Variants in NKAIN3 observed in about 807,000 individuals in gnomAD.
The protein encoded by NKAIN3 is sodium/potassium transporting ATPase interacting 3, also known as sodium/potassium-transporting ATPase subunit beta-1-interacting protein 3.
Under a neutral mutation model 30.2 loss-of-function variants are expected in NKAIN3, and 25 were observed. The observed-to-expected ratio is 0.83, with a 90% CI of 0.60 to 1.16. The LOEUF (loss-of-function observed/expected upper bound fraction) is 1.16. NKAIN3 is among the 50% of genes most tolerant of loss of function. The pLI, the probability that NKAIN3 is intolerant of heterozygous loss-of-function variation, is 0.00. For synonymous variants in NKAIN3, 91 were observed against 89.6 expected, an observed-to-expected ratio of 1.02 and a Z score of -0.09; for missense variants, 225 against 254.1, an observed-to-expected ratio of 0.89 and a Z score of 0.78.
chr8:62,648,295 G>A (rs951573434), intron 3 of NKAIN3, among the ~76,000 whole-genome samples: 1 of 152,108 alleles, frequency 6.6e-6, no homozygotes, highest in Non-Finnish European at 1.5e-5. Flanking sequence ...ACAATTGGCG[G>A]TTGAATTTTA....
At chr8:62,432,308 T>G (rs980012193) in intron 1 of NKAIN3, among the ~76,000 whole-genome samples, 4 of 152,080 alleles carry the variant, frequency 2.6e-5, no homozygotes, top group African/African-American at 9.7e-5. Context: ...GGAGAAGATC[T>G]TCTCCTAAGA....
chr8:62,726,572 A>G (rs1388746319), intron 3 of NKAIN3, among the ~76,000 whole-genome samples: 1 of 152,034 alleles, frequency 6.6e-6, no homozygotes, highest in African/African-American at 2.4e-5. Flanking sequence ...TTTATCCTTC[A>G]TTCTGTTAAT....
intron 4 of NKAIN3, among the ~76,000 whole-genome samples, chr8:62,915,548 T>C (rs543526225): frequency 2.0e-5 from 3 of 152,296 alleles, no homozygotes; most frequent in African/African-American, 7.2e-5. Flanking sequence ...TTCAGAACTG[T>C]AAGATTTGTG....
chr8:62,737,844 T>G (rs1378624490), intron 3 of NKAIN3, among the ~76,000 whole-genome samples: 1 of 152,188 alleles, frequency 6.6e-6, no homozygotes, highest in East Asian at 1.9e-4. Context: ...CCTTACAAAT[T>G]GATGTGAATG....
chr8:62,278,427 G>C (rs1464598822), intron 1 of NKAIN3, among the ~76,000 whole-genome samples: 1 of 151,596 alleles, frequency 6.6e-6, no homozygotes, highest in South Asian at 2.1e-4. Context: ...TGTGCACAAC[G>C]TGCAGGTTTG....
intron 1 of NKAIN3, among the ~76,000 whole-genome samples, chr8:62,254,744 G>A (rs1812213922): frequency 6.6e-6 from 1 of 152,142 alleles, no homozygotes; most frequent in Non-Finnish European, 1.5e-5. Context: ...GTCAACATAA[G>A]CAGTGATTTC....
intron 4 of NKAIN3, among the ~76,000 whole-genome samples, chr8:62,756,006 T>C (rs1054174758): frequency 6.6e-6 from 1 of 152,354 alleles, no homozygotes; most frequent in East Asian, 1.9e-4. Flanking sequence ...GCTGTGATTT[T>C]AAATCACTTC....
At chr8:62,389,826 G>A (rs920991374) in intron 1 of NKAIN3, among the ~76,000 whole-genome samples, 3 of 152,084 alleles carry the variant, frequency 2.0e-5, no homozygotes, top group African/African-American at 7.2e-5. Flanking sequence ...TAGCAGTAGT[G>A]CCTTATCTTA....
At chr8:62,337,950 C>G (rs1355711403) in intron 1 of NKAIN3, among the ~76,000 whole-genome samples, 1 of 151,942 alleles carries the variant, frequency 6.6e-6, no homozygotes, top group East Asian at 1.9e-4. Flanking sequence ...TTATTCTTTA[C>G]AGGAAGATCT....
chr8:62,554,484 G>T (rs1374225491), intron 1 of NKAIN3, among the ~76,000 whole-genome samples: 1 of 152,102 alleles, frequency 6.6e-6, no homozygotes, highest in Non-Finnish European at 1.5e-5. Flanking sequence ...TCTGCCTCCA[G>T]TCTTGGTTTT....
In NKAIN3 at chr8:62,966,609, AACC is replaced by A. The variant is rs1286980539; in HGVS notation, c.*1205_*1207del. 6.5e-6 allele frequency: 1 copy of A among 153,586 alleles called. No homozygotes were observed. The highest frequency in any genetic ancestry group is 1.4e-5 in the Non-Finnish European group (1 of 69,278). The allele number at this position is 153,586 out of a possible 1,614,324, so 9.5% of individuals were successfully genotyped here. Reference sequence around the variant, plus strand: ...AGGCAATGCCTACATTCTCACAGACAACCACTGTGCTAATTTTCATCATCACTG... The same window carrying A: ...AGGCAATGCCTACATTCTCACAGACAACTGTGCTAATTTTCATCATCACTG... On this transcript the variant is annotated 3_prime_UTR_variant, in exon 7 of 7. Coordinates refer to ENST00000623646, the MANE Select transcript of NKAIN3 (RefSeq NM_001304533.3).
intron 4 of NKAIN3, among the ~76,000 whole-genome samples, chr8:62,815,219 C>A (rs1368190653): frequency 6.6e-6 from 1 of 151,948 alleles, no homozygotes; most frequent in East Asian, 1.9e-4. Context: ...GAAATTTAGG[C>A]AATAATCAAT....
At chr8:62,870,262 CTATA>C (rs1820577037) in intron 4 of NKAIN3, among the ~76,000 whole-genome samples, 1 of 79,314 alleles carries the variant, frequency 1.3e-5, no homozygotes, top group Non-Finnish European at 3.2e-5. Context: ...ATATATATAT[CTATA>C]TATAGATATA....
At chr8:62,850,186 T>G (rs995473289) in intron 4 of NKAIN3, among the ~76,000 whole-genome samples, 2 of 152,150 alleles carry the variant, frequency 1.3e-5, no homozygotes, top group Admixed American at 1.3e-4. Flanking sequence ...GGTTTTGATT[T>G]GCATTTCTCT....
intron 1 of NKAIN3, among the ~76,000 whole-genome samples, chr8:62,451,702 T>A (rs570113356): frequency 6.6e-6 from 1 of 152,294 alleles, no homozygotes; most frequent in East Asian, 1.9e-4. Context: ...TTGATTAGTC[T>A]CTTAATTATC....
chr8:62,530,586 T>A (rs1808457512), intron 1 of NKAIN3, among the ~76,000 whole-genome samples: 1 of 152,160 alleles, frequency 6.6e-6, no homozygotes, highest in Admixed American at 6.6e-5. Context: ...CATTTTTCTC[T>A]ACTCTGCATT....
At chr8:62,801,383 T>G (rs1372240173) in intron 4 of NKAIN3, among the ~76,000 whole-genome samples, 2 of 152,186 alleles carry the variant, frequency 1.3e-5, no homozygotes, top group East Asian at 3.9e-4. Flanking sequence ...AGGGGCAGAC[T>G]GACACCTCAC....
At chr8:62,625,668 A>G (rs931932674) in intron 3 of NKAIN3, among the ~76,000 whole-genome samples, 2 of 152,166 alleles carry the variant, frequency 1.3e-5, no homozygotes, top group African/African-American at 4.8e-5. Flanking sequence ...GAATTACACT[A>G]CAGGTAATAC....
intron 3 of NKAIN3, among the ~76,000 whole-genome samples, chr8:62,741,115 G>T (rs549701713): frequency 6.6e-6 from 1 of 151,446 alleles, no homozygotes; most frequent in African/African-American, 2.4e-5. Flanking sequence ...TCTTGGAATT[G>T]CATTTTGTAA....
Sources: allele counts gnomAD v4.1 joint callset (sites outside exome capture counted in the v4.1 genomes callset), GRCh38; gene constraint gnomAD v4.1.1; transcripts MANE v1.5; gene names NCBI Gene and HGNC (gene_info 2026-07-23, HGNC 2026-07-21).